The following POLB variants were observed in gnomAD, a reference collection of about 807,000 sequenced individuals.
The protein encoded by POLB is 5'-dRP lyase.
In POLB, 37 loss-of-function variants were observed where a neutral mutation model predicts 52.7. That is an observed-to-expected ratio of 0.70 (90% CI 0.54 to 0.92). The LOEUF (loss-of-function observed/expected upper bound fraction) is 0.92. Among genes scored for constraint, POLB ranks in the 40% least tolerant of loss-of-function variants. The pLI is 0.00. For synonymous variants in POLB, 138 were observed against 131.3 expected (o/e 1.05, Z -0.35); for missense variants, 313 against 400.8 (o/e 0.78, Z 1.87).
At chr8:42,352,722 G>A (rs570350162) in intron 6 of POLB, among the ~76,000 whole-genome samples, 154 bp downstream of exon 6, 37 of 152,214 alleles carry the variant, frequency 2.4e-4, no homozygotes, top group Admixed American at 1.7e-3. Context: ...TAGATATAGG[G>A]TATAGTTTAT....
At chr8:42,348,925 T>C (rs1822797808) in intron 3 of POLB, 91 bp from the exon 4 acceptor site, 5 of 689,702 alleles carry the variant, frequency 7.2e-6, no homozygotes, top group Non-Finnish European at 1.2e-5. Flanking sequence ...GGTATTCATT[T>C]GTTTTTCATT....
intron 11 of POLB, among the ~76,000 whole-genome samples, chr8:42,367,806 A>C (rs1165548128): frequency 6.6e-6 from 1 of 152,198 alleles, no homozygotes; most frequent in Non-Finnish European, 1.5e-5. Flanking sequence ...TCAGAAGAAA[A>C]AAAGTTTCCT....
intron 2 of POLB, chr8:42,342,507 T>A: frequency 5.3e-6 from 5 of 948,154 alleles, no homozygotes; most frequent in South Asian, 3.9e-5. Context: ...GTGTGTTGTA[T>A]TTATTTTTAT....
rs757815939 is a variant in POLB at position 42,352,561 on chromosome 8, A to G, written c.363A>G (p.Thr121=). ...ARKFVDEGIK[T]LEDLRKNEDK... ...AGTTTGTAGATGAAGGAATTAAAAC[A>G]CTAGAAGGTGAGTATGACTGTAGGT... The change falls in exon 6 of 14, where the codon ACA becomes ACG. Residue 121 remains threonine, a synonymous_variant. Transcript: ENST00000265421. The G allele has an allele frequency of 1.3e-5, 21 of 1,583,580 alleles. No individual in the cohort carries two copies. In the Admixed American group the frequency reaches 3.5e-4, roughly 26 times the overall value.
intron 9 of POLB, among the ~76,000 whole-genome samples, chr8:42,359,335 A>G (rs1019801381): frequency 1.3e-5 from 2 of 151,900 alleles, no homozygotes; most frequent in Non-Finnish European, 2.9e-5. Flanking sequence ...ATTTTTCCAT[A>G]TCAATATATA....
At chr8:42,344,014 C>T (rs1822430216) in intron 2 of POLB, among the ~76,000 whole-genome samples, 1 of 151,290 alleles carries the variant, frequency 6.6e-6, no homozygotes, top group East Asian at 1.9e-4. Context: ...GCCTGTAATC[C>T]CAGCTACTCA....
In POLB at chr8:42,359,502, G is replaced by A. The variant is rs551923716; in HGVS notation, c.551-1793G>A. 2.7e-5 allele frequency among the ~76,000 whole-genome samples: 4 copies of A among 149,674 alleles called. No individual in the cohort carries two copies. The South Asian group carries it at 8.5e-4, about 32-fold the overall frequency. Reference sequence around the variant, plus strand: ...CCAGAGTAGCTGGGACCACAGGCACGTGCCACCACACCCGGCTAATTTTTT... The same window carrying A: ...CCAGAGTAGCTGGGACCACAGGCACATGCCACCACACCCGGCTAATTTTTT... On this transcript the variant is annotated intron_variant, in intron 9 of 13. Coordinates refer to ENST00000265421, the MANE Select transcript of POLB (RefSeq NM_002690.3).
intron 11 of POLB, among the ~76,000 whole-genome samples, chr8:42,363,433 C>T (rs539908922): frequency 2.9e-5 from 4 of 138,888 alleles, no homozygotes; most frequent in Admixed American, 7.7e-5. Flanking sequence ...GAGGCTGAGG[C>T]GGGAGAATCA....
intron 9 of POLB, among the ~76,000 whole-genome samples, chr8:42,360,909 T>C (rs1823635595): frequency 6.6e-6 from 1 of 152,196 alleles, no homozygotes; most frequent in African/African-American, 2.4e-5. Flanking sequence ...TTAACCTTTA[T>C]AGAGTTAGAG....
chr8:42,348,359 T>C (rs142157172), intron 3 of POLB, among the ~76,000 whole-genome samples: 137 of 152,326 alleles, frequency 9.0e-4, no homozygotes, highest in Non-Finnish European at 1.7e-3. Context: ...ATTGAGTTCT[T>C]GAAACGTGGA....
chr8:42,339,434 T>C lies in POLB; in HGVS notation c.119+365T>C, dbSNP rs2130763673. On this transcript the variant is annotated intron_variant, in intron 2 of 13. Transcript: ENST00000265421. Reference sequence around the variant, plus strand: ...ATTTTTTCTTTTGGTTGGTCTAAAGTTGATCCTGTGGGATCCTGATCCTGA... The same window carrying C: ...ATTTTTTCTTTTGGTTGGTCTAAAGCTGATCCTGTGGGATCCTGATCCTGA... 3 of 259,354 alleles carry C rather than the reference T, an allele frequency of 1.2e-5. No homozygotes were observed. In the South Asian group the frequency reaches 1.2e-4, roughly 10 times the overall value. The allele number at this position is 259,354 out of a possible 1,614,324, so 16.1% of individuals were successfully genotyped here. A position where few individuals can be genotyped will look rare whatever the true frequency, so the allele number is the denominator to read the frequency against.
chr8:42,338,875 T>G (rs901859690), intron 1 of POLB, 137 bp from the exon 2 acceptor site: 3 of 941,040 alleles, frequency 3.2e-6, no homozygotes, highest in African/African-American at 3.2e-5. Flanking sequence ...GGCCATCGCT[T>G]GGGCTGCTTT....
rs969168833 is a variant in POLB at position 42,339,020 on chromosome 8, A to C, written c.70A>C (p.Asn24His). ...GITDMLTELA[N>H]FEKNVSQAIH... The stretch of plus-strand genomic sequence containing the variant: ...CTTCTGTTGCCTTTCAGAACTCGCA[A>C]ACTTTGAGAAGAACGTGAGCCAAGC... The change falls in exon 2 of 14, where the codon AAC (asparagine) becomes CAC (histidine). Residue 24 changes from asparagine (N) to histidine (H), a missense_variant. Coordinates refer to ENST00000265421, the MANE Select transcript of POLB (RefSeq NM_002690.3). 1 of 1,613,768 alleles carries C rather than the reference A, an allele frequency of 6.2e-7. No individual in the cohort carries two copies. Among genetic ancestry groups the C allele is most frequent in the Non-Finnish European group, 8.5e-7 (1 of 1,179,794 alleles).
At chr8:42,360,818 A>G (rs1411685774) in intron 9 of POLB, among the ~76,000 whole-genome samples, 1 of 151,860 alleles carries the variant, frequency 6.6e-6, no homozygotes, top group Non-Finnish European at 1.5e-5. Flanking sequence ...TCCTGGGCTC[A>G]GCGATCCTCT....
At position 42,338,547 on chromosome 8, in the gene POLB, C is replaced by G; in HGVS notation, c.-78C>G. 4.6e-6 allele frequency: 6 copies of G among 1,313,194 alleles called. No homozygotes were observed. The highest frequency in any genetic ancestry group is 5.5e-6 in the Non-Finnish European group (5 of 906,886). The allele number at this position is 1,313,194 out of a possible 1,614,324, so 81.3% of individuals were successfully genotyped here. A position where few individuals can be genotyped will look rare whatever the true frequency, so the allele number is the denominator to read the frequency against. Reference sequence around the variant, plus strand: ...GTTGCTCCTGCTCCCGTCTCCAAGTCCTGGTACCTCCTTCAAGCTGGGAGA... The same window carrying G: ...GTTGCTCCTGCTCCCGTCTCCAAGTGCTGGTACCTCCTTCAAGCTGGGAGA... On this transcript the variant is annotated 5_prime_UTR_variant, in exon 1 of 14. Coordinates refer to ENST00000265421, the MANE Select transcript of POLB (RefSeq NM_002690.3).
intron 2 of POLB, among the ~76,000 whole-genome samples, chr8:42,342,946 T>TGG (rs1450994725): frequency 1.3e-5 from 2 of 152,104 alleles, no homozygotes; most frequent in Admixed American, 6.5e-5. Context: ...CCTAGCACTT[T>TGG]GGGAGACCGA....
intron 13 of POLB, among the ~76,000 whole-genome samples, chr8:42,371,067 A>G (rs1371767480): frequency 1.3e-5 from 2 of 152,200 alleles, no homozygotes; most frequent in African/African-American, 4.8e-5. Context: ...CCTTTGTGGC[A>G]CTGATGACTC....
intron 9 of POLB, among the ~76,000 whole-genome samples, chr8:42,358,230 C>T (rs759798454): frequency 5.9e-5 from 9 of 151,964 alleles, no homozygotes; most frequent in East Asian, 5.8e-4. Flanking sequence ...TGGCCAGGCG[C>T]GGTGGCTCAC....
chr8:42,362,755 C>G (rs1823782472), intron 11 of POLB, 57 bp downstream of exon 11: 1 of 866,362 alleles, frequency 1.2e-6, no homozygotes, highest in African/African-American at 1.7e-5. Flanking sequence ...TGTTCAGTAG[C>G]CATTCTGAGT....
Sources: allele counts gnomAD v4.1 joint callset (sites outside exome capture counted in the v4.1 genomes callset), GRCh38; gene constraint gnomAD v4.1.1; transcripts MANE v1.5; gene names NCBI Gene and HGNC (gene_info 2026-07-23, HGNC 2026-07-21).